Variants in MYH15 observed in about 807,000 individuals in gnomAD.
MYH15 encodes the protein myosin heavy chain 15.
MYH15 carries 227 observed loss-of-function variants against 240.5 expected under a neutral mutation model. That is an observed-to-expected ratio of 0.94 (90% CI 0.85 to 1.05). The LOEUF is 1.05. Ranked by LOEUF, MYH15 falls within the 50% of genes least tolerant of loss-of-function variation. The pLI, the probability that MYH15 is intolerant of heterozygous loss-of-function variation, is 0.00. For synonymous variants in MYH15, 785 were observed against 796.7 expected (o/e 0.99, Z 0.25); for missense variants, 2,217 against 2,247.5 (o/e 0.99, Z 0.27).
At chr3:108,465,223 A>AC (rs1417605273) in intron 14 of MYH15, among the ~76,000 whole-genome samples, 2 of 152,184 alleles carry the variant, frequency 1.3e-5, no homozygotes, top group East Asian at 3.9e-4. Flanking sequence ...ATTGGGTAAG[A>AC]CACCTCTCCT....
rs1381333289 is a variant in MYH15 at position 108,414,252 on chromosome 3, T to G, written c.4125A>C (p.Thr1375=). 6.2e-7 allele frequency: 1 copy of G among 1,614,192 alleles called. No individual in the cohort carries two copies. Among genetic ancestry groups the G allele is most frequent in the African/African-American group, 1.3e-5 (1 of 75,066 alleles). The part of the protein sequence containing the change: ...MKYENNVIQR[T]EDLEDAKKEL... Reference sequence around the variant, plus strand: ...CTCACTTGGCATCCTCCAAGTCTTCTGTTCTCTGGATGACATTGTTTTCAT... The same window carrying G: ...CTCACTTGGCATCCTCCAAGTCTTCGGTTCTCTGGATGACATTGTTTTCAT... The change falls in exon 30 of 41, where the codon ACA becomes ACC. Residue 1375 remains threonine, a synonymous_variant. Transcript: ENST00000693548.
intron 1 of MYH15, among the ~76,000 whole-genome samples, chr3:108,527,709 A>G (rs867406050): frequency 6.7e-6 from 1 of 150,264 alleles, no homozygotes; most frequent in African/African-American, 2.5e-5. Context: ...CAAGGAGCTT[A>G]GAGGTTAAGA....
chr3:108,463,243 C>T lies in MYH15; in HGVS notation c.1732G>A (p.Val578Ile). ...AGCCAACCACTGATATTATAAGGTA[C>T]CTTTGGAAAGGCATGCATTTCAGGT... ...HFELVHYAGV[V>I]PYNISGWLEK... is the part of the protein sequence containing the mutation. The change falls in exon 16 of 41, where the codon GTA (valine) becomes ATA (isoleucine). Residue 578 changes from valine (V) to isoleucine (I), a missense_variant and splice_region_variant. Coordinates refer to ENST00000693548, the MANE Select transcript of MYH15 (RefSeq NM_014981.3). 6.2e-7 allele frequency: 1 copy of T among 1,601,258 alleles called. No homozygotes were observed.
Position 108,381,301 on chromosome 3 carries a change from T to C in MYH15, c.*244A>G, listed in dbSNP as rs570983303. The C allele has an allele frequency of 1.2e-5, 7 of 563,224 alleles. No homozygotes were observed. The highest frequency in any genetic ancestry group is 2.2e-5 in the Non-Finnish European group (7 of 316,044). 34.9% of individuals were successfully genotyped at this position (563,224 alleles called of 1,614,324 possible). A position where few individuals can be genotyped will look rare whatever the true frequency, so the allele number is the denominator to read the frequency against. ...ATCAGAATTGAAAAGGTTCTTCCAT[T>C]TATTTAATCTGTCATGTGAAGCATT... On this transcript the variant is annotated 3_prime_UTR_variant, in exon 41 of 41. Coordinates refer to ENST00000693548, the MANE Select transcript of MYH15 (RefSeq NM_014981.3).
chr3:108,524,931 G>A (rs921022948), intron 1 of MYH15, among the ~76,000 whole-genome samples: 14 of 151,924 alleles, frequency 9.2e-5, no homozygotes, highest in African/African-American at 3.1e-4. Context: ...TTACACTTGG[G>A]AAGAAACAAG....
At chr3:108,490,767 A>C (rs978592423) in intron 9 of MYH15, among the ~76,000 whole-genome samples, 1 of 152,122 alleles carries the variant, frequency 6.6e-6, no homozygotes, top group Admixed American at 6.5e-5. Flanking sequence ...TTCCCTGACA[A>C]TTTCATCTAA....
chr3:108,490,886 G>GC (rs2083340298), intron 9 of MYH15, among the ~76,000 whole-genome samples: 1 of 145,268 alleles, frequency 6.9e-6, no homozygotes, highest in Non-Finnish European at 1.5e-5. Flanking sequence ...TTAGATCATG[G>GC]TTTTTTTTTT....
At chr3:108,469,891 T>C in intron 14 of MYH15, 151 bp downstream of exon 14, 1 of 668,880 alleles carries the variant, frequency 1.5e-6, no homozygotes, top group Non-Finnish European at 2.4e-6. Flanking sequence ...CCACAGGTGA[T>C]GCACACAAAC....
chr3:108,519,721 T>C (rs1465297226), intron 1 of MYH15, among the ~76,000 whole-genome samples: 1 of 152,234 alleles, frequency 6.6e-6, no homozygotes, highest in East Asian at 1.9e-4. Flanking sequence ...TAATATTCCT[T>C]AGGGTCAGTG....
At chr3:108,417,258 T>C (rs937917077) in intron 28 of MYH15, among the ~76,000 whole-genome samples, 3 of 152,200 alleles carry the variant, frequency 2.0e-5, no homozygotes, top group Non-Finnish European at 2.9e-5. Flanking sequence ...CTTGATAGTG[T>C]AGGTATTATA....
intron 25 of MYH15, among the ~76,000 whole-genome samples, chr3:108,431,862 G>A (rs2082781950): frequency 6.6e-6 from 1 of 152,164 alleles, no homozygotes. Context: ...GTCTCAGATG[G>A]AGATGAGGAA....
intron 1 of MYH15, among the ~76,000 whole-genome samples, chr3:108,525,061 TTA>T (rs927045022): frequency 5.3e-5 from 8 of 152,120 alleles, no homozygotes; most frequent in Non-Finnish European, 1.2e-4. Flanking sequence ...CAAAGGATGC[TTA>T]TGTTTTCCTG....
At chr3:108,495,946 TC>T in intron 6 of MYH15, 74 bp from the exon 7 acceptor site, 1 of 1,158,488 alleles carries the variant, frequency 8.6e-7, no homozygotes, top group Non-Finnish European at 1.2e-6. Flanking sequence ...GCCCTCCATC[TC>T]CAGGTCAAAC....
At position 108,486,465 on chromosome 3, in the gene MYH15, A is replaced by T. The variant is rs2083306998; in HGVS notation, c.933T>A (p.Thr311=). The change falls in exon 10 of 41, where the codon ACT becomes ACA. Residue 311 remains threonine (T), a synonymous_variant. Transcript: ENST00000693548. ...DFHFCSCGAV[T]VESLDDAEEL... ...CTTCAGCATCATCCAAGCTCTCCAC[A>T]GTAACTGCTCCACAGGAGCAAAAGT... The T allele has an allele frequency of 1.2e-6, 2 of 1,612,492 alleles. No individual in the cohort carries two copies. The highest frequency in any genetic ancestry group is 1.3e-5 in the African/African-American group (1 of 75,050).
intron 36 of MYH15, 99 bp from the exon 37 acceptor site, chr3:108,392,029 C>G (rs2082426126): frequency 3.0e-6 from 4 of 1,322,540 alleles, no homozygotes; most frequent in African/African-American, 1.5e-5. Flanking sequence ...GGCTGCCACG[C>G]CTTGCCTCTA....
At chr3:108,388,189 A>G (rs1220551694) in intron 38 of MYH15, among the ~76,000 whole-genome samples, 2 of 152,176 alleles carry the variant, frequency 1.3e-5, no homozygotes, top group Non-Finnish European at 2.9e-5. Context: ...GACTTTTAGC[A>G]TCTGTGTTCA....
intron 25 of MYH15, among the ~76,000 whole-genome samples, chr3:108,435,550 G>A (rs1458471249): frequency 6.6e-6 from 1 of 151,728 alleles, no homozygotes; most frequent in African/African-American, 2.4e-5. Context: ...CTCTATCAGT[G>A]GAATCATGCA....
chr3:108,535,816 C>T, the MYH15 span, among the ~76,000 whole-genome samples: 1 of 152,136 alleles, frequency 6.6e-6, no homozygotes, highest in Non-Finnish European at 1.5e-5. Context: ...AAAGACAAAA[C>T]AAACAAAAAC....
exon 1 of MYH15, chr3:108,529,266 G>T (rs1559678607): frequency 6.2e-7 from 1 of 1,603,054 alleles, no homozygotes; most frequent in Non-Finnish European, 8.5e-7. Context: ...CACTCACCAT[G>T]ATCTTTTTGG....
Sources: gnomAD v4.1 joint callset for allele counts (sites outside exome capture counted in the v4.1 genomes callset) on GRCh38, gnomAD v4.1.1 for gene constraint, MANE v1.5 for transcripts, NCBI Gene and HGNC (gene_info 2026-07-23, HGNC 2026-07-21) for gene names.